Variants in PLXDC2 observed in about 807,000 individuals in gnomAD.
The protein encoded by PLXDC2 is plexin domain-containing protein 2.
A neutral mutation model predicts 68.9 loss-of-function variants in PLXDC2; 40 were observed. The observed-to-expected ratio is 0.58, with a 90% confidence interval of 0.45 to 0.76. PLXDC2 has a LOEUF of 0.76. PLXDC2 is among the 30% of genes least tolerant of loss of function. The pLI is 0.00. For synonymous variants in PLXDC2, 243 were observed against 234.2 expected, an observed-to-expected ratio of 1.04 and a Z score of -0.34; for missense variants, 644 against 661.9, an observed-to-expected ratio of 0.97 and a Z score of 0.30.
intron 1 of PLXDC2, among the ~76,000 whole-genome samples, chr10:19,861,245 G>A (rs1406204896): frequency 4.0e-5 from 6 of 151,876 alleles, no homozygotes; most frequent in Non-Finnish European, 8.8e-5. Context: ...ATGTTGGCCA[G>A]GCTGGTCTAG....
intron 1 of PLXDC2, among the ~76,000 whole-genome samples, chr10:19,947,746 T>A (rs1362952068): frequency 2.0e-5 from 3 of 151,112 alleles, no homozygotes; most frequent in Admixed American, 6.6e-5. Context: ...TGTTTTGCTG[T>A]TTAACAAGTT....
rs139175193 is a variant in PLXDC2 at position 20,162,042 on chromosome 10, A to AAGAGAGAG, written c.784-2402_784-2395dup. ...TGTCAGAAAAAGAAAGAAAGAAAGA[A>AAGAGAGAG]AGAGAGAGAGAGAGAGAGAGAGAGA... On this transcript the variant is annotated intron_variant, in intron 6 of 13. Transcript: ENST00000377252. Among the ~76,000 whole-genome samples the AAGAGAGAG allele has an allele frequency of 4.1e-5, 3 of 72,422 alleles. No homozygotes were observed. In the South Asian group the frequency reaches 1.5e-3, roughly 35 times the overall value. The allele number at this position is 72,422 out of a possible 152,430, so 47.5% of individuals were successfully genotyped here. A position where few individuals can be genotyped will look rare whatever the true frequency, so the allele number is the denominator to read the frequency against.
intron 4 of PLXDC2, among the ~76,000 whole-genome samples, chr10:20,131,329 A>G (rs1833864872): frequency 6.6e-6 from 1 of 151,998 alleles, no homozygotes; most frequent in African/African-American, 2.4e-5. Flanking sequence ...GTTGGCATAT[A>G]ATTTTTATAG....
intron 2 of PLXDC2, among the ~76,000 whole-genome samples, chr10:20,038,543 T>C (rs1366291639): frequency 6.6e-6 from 1 of 152,190 alleles, no homozygotes. Context: ...GAAGAAGGTA[T>C]TAATGTAGTA....
At chr10:19,917,261 T>C (rs1833384937) in intron 1 of PLXDC2, among the ~76,000 whole-genome samples, 2 of 152,204 alleles carry the variant, frequency 1.3e-5, no homozygotes, top group African/African-American at 4.8e-5. Context: ...AGAGGCAGGA[T>C]AGAACTGTGT....
intron 9 of PLXDC2, 24 bp downstream of exon 9, chr10:20,177,433 A>C (rs926718296): frequency 6.9e-6 from 8 of 1,155,754 alleles, no homozygotes; most frequent in Non-Finnish European, 9.2e-6. Flanking sequence ...AATAAGAATA[A>C]TAATAAAATT....
chr10:19,907,194 T>A (rs1833179480), intron 1 of PLXDC2, among the ~76,000 whole-genome samples: 1 of 152,218 alleles, frequency 6.6e-6, no homozygotes, highest in Admixed American at 6.5e-5. Flanking sequence ...CCTGAAATTC[T>A]AGCCTTAAGA....
At chr10:19,972,155 C>G (rs1377739978) in intron 1 of PLXDC2, among the ~76,000 whole-genome samples, 1 of 152,142 alleles carries the variant, frequency 6.6e-6, no homozygotes, top group Non-Finnish European at 1.5e-5. Flanking sequence ...AGCCAGTATA[C>G]ATTTTTGAGC....
chr10:19,977,845 C>G (rs1223505520), intron 1 of PLXDC2, among the ~76,000 whole-genome samples: 2 of 152,136 alleles, frequency 1.3e-5, no homozygotes, highest in Non-Finnish European at 2.9e-5. Flanking sequence ...AATCACCTCC[C>G]AAAGGCCACA....
At chr10:20,224,220 C>T (rs902643696) in intron 12 of PLXDC2, among the ~76,000 whole-genome samples, 1 of 152,004 alleles carries the variant, frequency 6.6e-6, no homozygotes, top group African/African-American at 2.4e-5. Flanking sequence ...GTGATCCACC[C>T]ATCTCGGCCT....
intron 4 of PLXDC2, among the ~76,000 whole-genome samples, chr10:20,120,683 C>T (rs1047297331): frequency 8.6e-5 from 13 of 152,036 alleles, no homozygotes; most frequent in Non-Finnish European, 1.8e-4. Flanking sequence ...AGCTAATTTG[C>T]CAGTCCTGGG....
chr10:20,144,950 G>A (rs184908439), intron 5 of PLXDC2, among the ~76,000 whole-genome samples: 2 of 152,078 alleles, frequency 1.3e-5, no homozygotes, highest in Admixed American at 1.3e-4. Flanking sequence ...AATTTTACTC[G>A]TATTTGAATG....
chr10:20,165,972 G>C (rs1320690868), intron 7 of PLXDC2, among the ~76,000 whole-genome samples: 1 of 152,086 alleles, frequency 6.6e-6, no homozygotes, highest in Non-Finnish European at 1.5e-5. Context: ...TGTGTCCTAT[G>C]TGTTCTTATT....
intron 1 of PLXDC2, among the ~76,000 whole-genome samples, chr10:19,947,383 CCA>C (rs1833919461): frequency 6.6e-6 from 1 of 152,178 alleles, no homozygotes. Flanking sequence ...GACTCAGAGC[CCA>C]GGCTATCAGG....
rs2358857 is a variant in PLXDC2 at position 20,168,259 on chromosome 10, C to A, written c.883+3692C>A. Among the ~76,000 whole-genome samples, 1,116 of 152,242 alleles carry A rather than the reference C, an allele frequency of 7.3e-3. 15 individuals carry two copies. Among genetic ancestry groups the A allele is most frequent in the African/African-American group, 0.026 (1,075 of 41,552 alleles). On this transcript the variant is annotated intron_variant, in intron 7 of 13. Transcript: ENST00000377252. ...GAAACATTAAACTTTTAATTGATTT[C>A]TGTAACTTTCTTTCTATATAAAATG...
chr10:20,262,963 C>G (rs1835827989), intron 13 of PLXDC2, among the ~76,000 whole-genome samples: 1 of 152,226 alleles, frequency 6.6e-6, no homozygotes, highest in Admixed American at 6.5e-5. Flanking sequence ...AAGCTCTCTG[C>G]TACTGCCTTT....
intron 4 of PLXDC2, among the ~76,000 whole-genome samples, chr10:20,086,678 G>A (rs1833201730): frequency 6.6e-6 from 1 of 152,078 alleles, no homozygotes; most frequent in Non-Finnish European, 1.5e-5. Context: ...TAGAAGAGAA[G>A]GTTTTCTTTT....
At chr10:20,147,732 T>C in intron 5 of PLXDC2, 52 bp from the exon 6 acceptor site, 1 of 1,159,730 alleles carries the variant, frequency 8.6e-7, no homozygotes, top group Non-Finnish European at 1.3e-6. Context: ...CCACCAGAAT[T>C]GATTGGTATG....
At chr10:20,241,637 G>T (rs1002542973) in intron 12 of PLXDC2, among the ~76,000 whole-genome samples, 14 of 152,192 alleles carry the variant, frequency 9.2e-5, no homozygotes, top group African/African-American at 3.1e-4. Flanking sequence ...AAATTAACCA[G>T]GCATGGTGGC....
Sources: gnomAD v4.1 joint callset for allele counts (sites outside exome capture counted in the v4.1 genomes callset) on GRCh38, gnomAD v4.1.1 for gene constraint, MANE v1.5 for transcripts, NCBI Gene and HGNC (gene_info 2026-07-23, HGNC 2026-07-21) for gene names.